The following RFFL variants were observed in gnomAD, a reference collection of about 807,000 sequenced individuals.
RFFL encodes the protein ring finger and FYVE like domain containing E3 ubiquitin protein ligase, also known as E3 ubiquitin-protein ligase rififylin.
Under a neutral mutation model 40.4 loss-of-function variants are expected in RFFL, and 16 were observed. The observed-to-expected ratio is 0.40, with a 90% CI of 0.27 to 0.60. RFFL has a LOEUF of 0.60. Among genes scored for constraint, RFFL ranks in the 20% least tolerant of loss-of-function variants. The pLI is 0.47. For missense variants in RFFL, 367 were observed against 451.7 expected, an observed-to-expected ratio of 0.81 and a Z score of 1.70; for synonymous variants, 154 against 167.9, an observed-to-expected ratio of 0.92 and a Z score of 0.64.
chr17:35,067,537 C>T (rs866990429), upstream of RFFL, among the ~76,000 whole-genome samples: 1 of 150,306 alleles, frequency 6.7e-6, no homozygotes, highest in Non-Finnish European at 1.5e-5. Context: ...CGGCTCACTG[C>T]AACCTCCACC....
In RFFL at chr17:35,046,129, A is replaced by C. The variant is rs149120996; in HGVS notation, c.-9+17447T>G. Among the ~76,000 whole-genome samples, 746 of 152,298 alleles carry C rather than the reference A, an allele frequency of 4.9e-3. 5 individuals carry two copies. Among genetic ancestry groups the C allele is most frequent in the African/African-American group, 0.016 (662 of 41,562 alleles). On this transcript the variant is annotated intron_variant, in intron 1 of 6. Transcript: ENST00000394597. Reference sequence around the variant, plus strand: ...TAACCACAGCAATACCTTGAACGAAAGACTGAAGAGAATTTCTTTGTCTGC... The same window carrying C: ...TAACCACAGCAATACCTTGAACGAACGACTGAAGAGAATTTCTTTGTCTGC...
intron 1 of RFFL, among the ~76,000 whole-genome samples, chr17:35,044,292 G>T (rs1048050129): frequency 1.4e-4 from 21 of 152,126 alleles, no homozygotes; most frequent in African/African-American, 4.1e-4. Flanking sequence ...TACCCAGACT[G>T]GTCTTTGAAC....
intron 1 of RFFL, chr17:35,088,840 GTC>G (rs1268018480): frequency 3.3e-5 from 5 of 152,358 alleles, no homozygotes; most frequent in African/African-American, 1.2e-4. Context: ...GAGGACGCAC[GTC>G]TCCTGTTACT....
chr17:35,030,531 A>C (rs2091076238), intron 1 of RFFL, among the ~76,000 whole-genome samples: 1 of 151,922 alleles, frequency 6.6e-6, no homozygotes, highest in Non-Finnish European at 1.5e-5. Flanking sequence ...AAATCTCCTG[A>C]CCTCATGATC....
intron 1 of RFFL, among the ~76,000 whole-genome samples, chr17:35,029,525 T>C (rs1206893662): frequency 6.8e-6 from 1 of 146,140 alleles, no homozygotes; most frequent in East Asian, 2.0e-4. Context: ...TGCTTTCTTT[T>C]TTTTTTTTTT....
At chr17:35,085,585 A>G (rs1359299278) in intron 1 of RFFL, among the ~76,000 whole-genome samples, 1 of 152,088 alleles carries the variant, frequency 6.6e-6, no homozygotes, top group African/African-American at 2.4e-5. Context: ...ATGCACCACC[A>G]TGCCCGGCTA....
chr17:35,051,101 T>G (rs2091229304), intron 1 of RFFL, among the ~76,000 whole-genome samples: 2 of 152,346 alleles, frequency 1.3e-5, no homozygotes, highest in South Asian at 4.1e-4. Context: ...AACAGTCAAT[T>G]CAGTGGCTTC....
chr17:35,021,309 G>A (rs937760195), intron 3 of RFFL, 62 bp downstream of exon 3: 2 of 1,467,248 alleles, frequency 1.4e-6, no homozygotes, highest in African/African-American at 2.8e-5. Flanking sequence ...AGGCAGGAGA[G>A]GAAAATGAAA....
At chr17:35,040,839 GTCTT>G (rs2091159683) in intron 1 of RFFL, among the ~76,000 whole-genome samples, 5 of 99,028 alleles carry the variant, frequency 5.0e-5, no homozygotes, top group African/African-American at 1.7e-4. Context: ...CAGCTTTAAT[GTCTT>G]TTTTTTTTTT....
intron 6 of RFFL, 121 bp from the exon 7 acceptor site, chr17:35,012,270 G>A (rs778247179): frequency 6.5e-6 from 5 of 766,916 alleles, no homozygotes; most frequent in South Asian, 2.0e-5. Context: ...CAAAGTCTCA[G>A]TGCACATGCT....
At chr17:35,053,464 C>T (rs2091242572) in intron 1 of RFFL, among the ~76,000 whole-genome samples, 1 of 152,168 alleles carries the variant, frequency 6.6e-6, no homozygotes, top group South Asian at 2.1e-4. Flanking sequence ...ACAACATCTT[C>T]TCTGCAGTGG....
At chr17:35,053,389 A>G (rs2091242197) in intron 1 of RFFL, among the ~76,000 whole-genome samples, 1 of 152,202 alleles carries the variant, frequency 6.6e-6, no homozygotes, top group Non-Finnish European at 1.5e-5. Context: ...AAATCTAGAA[A>G]AAACAGGGAG....
intron 1 of RFFL, among the ~76,000 whole-genome samples, chr17:35,031,159 T>G (rs1217234414): frequency 6.6e-6 from 1 of 151,916 alleles, no homozygotes; most frequent in African/African-American, 2.4e-5. Flanking sequence ...CAGGCTGGAG[T>G]GCAGTGGCAT....
intron 5 of RFFL, among the ~76,000 whole-genome samples, chr17:35,016,084 C>T (rs2142315637): frequency 6.6e-6 from 1 of 152,256 alleles, no homozygotes; most frequent in South Asian, 2.1e-4. Context: ...AGGCTATGGA[C>T]TTAGACCATA....
intron 1 of RFFL, among the ~76,000 whole-genome samples, chr17:35,085,973 G>A (rs983313053): frequency 6.6e-6 from 1 of 152,190 alleles, no homozygotes; most frequent in African/African-American, 2.4e-5. Flanking sequence ...GATGGCAGCT[G>A]TTAAATCTTG....
intron 5 of RFFL, among the ~76,000 whole-genome samples, chr17:35,016,100 T>C (rs2090971172): frequency 6.6e-6 from 1 of 152,168 alleles, no homozygotes; most frequent in South Asian, 2.1e-4. Flanking sequence ...CCATAAAATT[T>C]TCAGTTAAAT....
intron 1 of RFFL, among the ~76,000 whole-genome samples, chr17:35,070,020 C>T (rs2091339186): frequency 6.6e-6 from 1 of 152,022 alleles, no homozygotes; most frequent in Non-Finnish European, 1.5e-5. Flanking sequence ...TAGATACACA[C>T]ATACATATAT....
chr17:35,025,486 A>G (rs936647560), intron 2 of RFFL: 15 of 152,252 alleles, frequency 9.9e-5, no homozygotes, highest in Non-Finnish European at 1.5e-5. Flanking sequence ...TCTAAAACCT[A>G]TATCATAGCT....
rs541573137 is a variant in RFFL at position 35,029,366 on chromosome 17, A to G, written c.-8-2805T>C. Among the ~76,000 whole-genome samples the G allele has an allele frequency of 5.7e-4, 82 of 143,210 alleles. 1 individual carries two copies. Among genetic ancestry groups the G allele is most frequent in the African/African-American group, 2.1e-3 (78 of 38,044 alleles). 94.0% of individuals were successfully genotyped at this position (143,210 alleles called of 152,430 possible). On this transcript the variant is annotated intron_variant, in intron 1 of 6. Transcript: ENST00000394597. Reference sequence around the variant, plus strand: ...TTTTTTTTTTTTTTTTTTTTGAGACAGGGGTCTCACTCTGTCACCCAGGCT... The same window carrying G: ...TTTTTTTTTTTTTTTTTTTTGAGACGGGGGTCTCACTCTGTCACCCAGGCT...
Sources: allele counts gnomAD v4.1 joint callset (sites outside exome capture counted in the v4.1 genomes callset), GRCh38; gene constraint gnomAD v4.1.1; transcripts MANE v1.5; gene names NCBI Gene and HGNC (gene_info 2026-07-23, HGNC 2026-07-21).